The following SNX25 variants were observed in gnomAD, a reference collection of about 807,000 sequenced individuals.
SNX25 encodes the protein sorting nexin-25.
Under a neutral mutation model 113.7 loss-of-function variants are expected in SNX25, and 62 were observed. The ratio of observed to expected loss-of-function variants is 0.55; its 90% CI spans 0.44 to 0.67. The LOEUF is 0.67. Among genes scored for constraint, SNX25 ranks in the 30% least tolerant of loss-of-function variants. The pLI is 0.00. For missense variants in SNX25, 1,014 were observed against 1,161.0 expected (o/e 0.87, Z 1.84); for synonymous variants, 421 against 436.2 (o/e 0.97, Z 0.43).
chr4:185,288,567 G>A (rs1027029994), intron 6 of SNX25, among the ~76,000 whole-genome samples: 31 of 83,186 alleles, frequency 3.7e-4, no homozygotes, highest in African/African-American at 1.3e-3. Flanking sequence ...ATTGCTAATA[G>A]CTTTTTCTCT....
In SNX25 at chr4:185,258,843, G is replaced by A; in HGVS notation, c.515-5G>A. On this transcript the variant is annotated splice_polypyrimidine_tract_variant and splice_region_variant and intron_variant, in intron 2 of 18. Coordinates refer to ENST00000652585, the MANE Select transcript of SNX25 (RefSeq NM_001378034.2). ...TTTACTCATTGCTTTGTTTATTCCT[G>A]GTAGTGTTCGACTACAGTTATAGAG... 1 of 1,606,598 alleles carries A rather than the reference G, an allele frequency of 6.2e-7. No homozygotes were observed. Among genetic ancestry groups the A allele is most frequent in the Non-Finnish European group, 8.5e-7 (1 of 1,173,610 alleles).
chr4:185,262,744 T>C (rs1560946617), intron 3 of SNX25, among the ~76,000 whole-genome samples: 3 of 152,200 alleles, frequency 2.0e-5, no homozygotes, highest in Non-Finnish European at 2.9e-5. Context: ...ATTAATGTCC[T>C]TTTGCTCACT....
exon 12 of SNX25, chr4:185,369,851 T>C (rs2095409077): frequency 9.8e-6 from 4 of 407,152 alleles, no homozygotes; most frequent in Admixed American, 3.0e-5. Context: ...CGGGTGATTT[T>C]AACATGCAGA....
At chr4:185,211,423 T>G (rs71623000) in intron 1 of SNX25, among the ~76,000 whole-genome samples, 2,529 of 152,332 alleles carry the variant, frequency 0.017, 45 homozygotes, top group Non-Finnish European at 0.023. Flanking sequence ...CCATCCGTTT[T>G]TCATATCTCA....
Position 185,331,231 on chromosome 4 carries a change from A to G in SNX25, c.1750-1364A>G, listed in dbSNP as rs2095192530. ...TATGCATGATAGTATTTGTTTTTGT[A>G]CATATGGGATAGCAATGAAGCAGAA... On this transcript the variant is annotated intron_variant, in intron 9 of 18. Transcript: ENST00000652585. Among the ~76,000 whole-genome samples the G allele has an allele frequency of 3.3e-5, 5 of 152,224 alleles. No homozygotes were observed. The South Asian group carries it at 1.0e-3, about 32-fold the overall frequency.
At chr4:185,350,398 G>A (rs2095309359) in intron 13 of SNX25, among the ~76,000 whole-genome samples, 1 of 152,136 alleles carries the variant, frequency 6.6e-6, no homozygotes, top group South Asian at 2.1e-4. Flanking sequence ...TAAGCCCAGT[G>A]TCTTATAATA....
At chr4:185,231,903 A>T (rs192080055) in intron 1 of SNX25, among the ~76,000 whole-genome samples, 1 of 152,284 alleles carries the variant, frequency 6.6e-6, no homozygotes, top group Admixed American at 6.5e-5. Flanking sequence ...TTTTGTCTTT[A>T]TGCAGCTAGT....
At chr4:185,296,918 A>T (rs1439902158) in intron 6 of SNX25, among the ~76,000 whole-genome samples, 9 of 152,180 alleles carry the variant, frequency 5.9e-5, no homozygotes, top group Non-Finnish European at 1.2e-4. Flanking sequence ...AGTGAGTCTA[A>T]CTGGCTAATT....
downstream of SNX25, among the ~76,000 whole-genome samples, chr4:185,371,904 T>C (rs1283633326): frequency 6.6e-6 from 1 of 151,922 alleles, no homozygotes; most frequent in Non-Finnish European, 1.5e-5. Context: ...CCTGGCGCTG[T>C]GGGAAGGGTG....
intron 4 of SNX25, among the ~76,000 whole-genome samples, chr4:185,265,783 T>C (rs1234796338): frequency 6.6e-6 from 1 of 152,220 alleles, no homozygotes; most frequent in Non-Finnish European, 1.5e-5. Context: ...ATTTTTATAC[T>C]ATTGACAGTG....
intron 1 of SNX25, among the ~76,000 whole-genome samples, chr4:185,230,834 A>T (rs1418277887): frequency 2.0e-5 from 3 of 152,230 alleles, no homozygotes; most frequent in African/African-American, 7.2e-5. Context: ...AAATTTTGTG[A>T]ATTAAGAATA....
At chr4:185,329,219 A>T (rs1334349951) in intron 9 of SNX25, among the ~76,000 whole-genome samples, 1 of 152,156 alleles carries the variant, frequency 6.6e-6, no homozygotes, top group Non-Finnish European at 1.5e-5. Context: ...GGTTGTCATT[A>T]TCTAATTTAT....
chr4:185,252,692 T>C (rs1745844273), intron 2 of SNX25, among the ~76,000 whole-genome samples: 1 of 152,220 alleles, frequency 6.6e-6, no homozygotes, highest in Non-Finnish European at 1.5e-5. Context: ...TAGATATTTT[T>C]GTCACTAAAT....
At chr4:185,219,207 G>A (rs1483977880) in intron 1 of SNX25, among the ~76,000 whole-genome samples, 1 of 152,156 alleles carries the variant, frequency 6.6e-6, no homozygotes, top group Non-Finnish European at 1.5e-5. Context: ...AAGGCCACAT[G>A]TATGCTTTAT....
intron 1 of SNX25, among the ~76,000 whole-genome samples, chr4:185,236,438 G>A (rs1200400453): frequency 6.6e-6 from 1 of 152,142 alleles, no homozygotes; most frequent in Admixed American, 6.5e-5. Context: ...TCAAGTCAGA[G>A]TCCAAATCCA....
At chr4:185,243,627 A>G (rs980460853) in intron 1 of SNX25, among the ~76,000 whole-genome samples, 1 of 151,562 alleles carries the variant, frequency 6.6e-6, no homozygotes. Context: ...CCAAACTGAA[A>G]CTCTATACCC....
chr4:185,266,243 A>G lies in SNX25; in HGVS notation c.905-726A>G, dbSNP rs1200345294. Among the ~76,000 whole-genome samples the G allele has an allele frequency of 4.6e-5, 7 of 152,216 alleles. No homozygotes were observed. The East Asian group carries it at 1.3e-3, about 29-fold the overall frequency. On this transcript the variant is annotated intron_variant, in intron 4 of 18. Transcript: ENST00000652585. ...TAACTTCCTCTCTGAGGTCTGTTTT[A>G]ACCAGTTGGGGAGAATGTTGACTTT... is the stretch of plus-strand genomic sequence containing the variant.
At chr4:185,245,787 A>T (rs1744782447) in intron 1 of SNX25, among the ~76,000 whole-genome samples, 1 of 152,216 alleles carries the variant, frequency 6.6e-6, no homozygotes, top group Non-Finnish European at 1.5e-5. Flanking sequence ...AAAACTTTCC[A>T]TGAAGGTATA....
chr4:185,240,741 G>A (rs1260451412), intron 1 of SNX25, among the ~76,000 whole-genome samples: 1 of 151,952 alleles, frequency 6.6e-6, no homozygotes, highest in African/African-American at 2.4e-5. Flanking sequence ...GCCGGGCGGA[G>A]ACGCTCCTCA....
Sources: gnomAD v4.1 joint callset for allele counts (sites outside exome capture counted in the v4.1 genomes callset) on GRCh38, gnomAD v4.1.1 for gene constraint, MANE v1.5 for transcripts, NCBI Gene and HGNC (gene_info 2026-07-23, HGNC 2026-07-21) for gene names.